The following FOXP1 variants were observed in gnomAD, a reference collection of about 807,000 sequenced individuals.
FOXP1 encodes the protein forkhead box P1, also known as forkhead box protein P1.
In FOXP1, 15 loss-of-function variants were observed where a neutral mutation model predicts 98.2. The ratio of observed to expected loss-of-function variants is 0.15; its 90% CI spans 0.10 to 0.24. FOXP1 has a LOEUF of 0.24. Ranked by LOEUF, FOXP1 falls within the 10% of genes least tolerant of loss-of-function variation. The probability of loss-of-function intolerance (pLI) is 1.00; values close to 1 mark genes in which losing one functional copy is unlikely to be tolerated. For synonymous variants in FOXP1, 371 were observed against 314.5 expected (o/e 1.18, Z -1.90); for missense variants, 633 against 848.5 (o/e 0.75, Z 3.15).
At chr3:70,975,906 A>T (rs114832553) in intron 17 of FOXP1, among the ~76,000 whole-genome samples, 3,403 of 152,334 alleles carry the variant, frequency 0.022, 128 homozygotes, top group African/African-American at 0.073. Flanking sequence ...GAGGTAAGCC[A>T]TATATGACCC....
At chr3:71,582,826 CG>C in intron 1 of FOXP1, 1 of 981,022 alleles carries the variant, frequency 1.0e-6, no homozygotes, top group Middle Eastern at 5.2e-4. Context: ...GAGGGGGTGG[CG>C]GGAGAGCTTC....
At chr3:71,344,506 C>A (rs567871094) in intron 4 of FOXP1, among the ~76,000 whole-genome samples, 3 of 152,218 alleles carry the variant, frequency 2.0e-5, no homozygotes, top group African/African-American at 7.2e-5. Context: ...CATTTTAATA[C>A]CCGGATTTCT....
intron 3 of FOXP1, among the ~76,000 whole-genome samples, chr3:71,483,785 A>G (rs1291009889): frequency 6.6e-6 from 1 of 152,140 alleles, no homozygotes; most frequent in Admixed American, 6.6e-5. Context: ...TGAGCCTCCC[A>G]CCATCACACA....
At chr3:71,410,134 C>G (rs943898923) in intron 3 of FOXP1, among the ~76,000 whole-genome samples, 8 of 152,206 alleles carry the variant, frequency 5.3e-5, no homozygotes, top group African/African-American at 1.4e-4. Context: ...CAGGACTTAA[C>G]CACTCAGAGT....
chr3:71,050,212 T>C lies in FOXP1; in HGVS notation c.510+2325A>G, dbSNP rs79416507. On this transcript the variant is annotated intron_variant, in intron 9 of 20. Transcript: ENST00000649528. ...GCTTTCCTTTCTGACAACAGCAATTTGGGAGAGGTAACTTTTATCCTTCTT... is the reference window on the plus strand; with the variant it reads ...GCTTTCCTTTCTGACAACAGCAATTCGGGAGAGGTAACTTTTATCCTTCTT... Among the ~76,000 whole-genome samples the C allele has an allele frequency of 9.4e-3, 1,438 of 152,316 alleles. 20 individuals are homozygous for C. Among genetic ancestry groups the C allele is most frequent in the African/African-American group, 0.025 (1,054 of 41,560 alleles).
At chr3:71,203,799 A>C (rs2063815162) in intron 5 of FOXP1, among the ~76,000 whole-genome samples, 1 of 152,148 alleles carries the variant, frequency 6.6e-6, no homozygotes, top group Non-Finnish European at 1.5e-5. Flanking sequence ...CACTATTAGG[A>C]AAATTATTAG....
chr3:71,136,820 A>AAC (rs1377109495), intron 6 of FOXP1, among the ~76,000 whole-genome samples: 212 of 3,082 alleles, frequency 0.069, 1 homozygote, highest in African/African-American at 0.071. Flanking sequence ...GAAATACAAC[A>AAC]AAAAAAAAAG....
intron 3 of FOXP1, among the ~76,000 whole-genome samples, chr3:71,478,592 T>C (rs993548489): frequency 2.0e-5 from 3 of 152,270 alleles, no homozygotes; most frequent in African/African-American, 7.2e-5. Context: ...CAGCCTGCAC[T>C]TATTTATTTA....
intron 5 of FOXP1, among the ~76,000 whole-genome samples, chr3:71,204,766 G>T (rs1193141347): frequency 6.6e-6 from 1 of 152,022 alleles, no homozygotes; most frequent in African/African-American, 2.4e-5. Flanking sequence ...AAACAAAAAG[G>T]GTAGATGGGA....
intron 7 of FOXP1, among the ~76,000 whole-genome samples, chr3:71,057,139 G>A (rs1043539003): frequency 6.6e-6 from 1 of 152,126 alleles, no homozygotes; most frequent in African/African-American, 2.4e-5. Flanking sequence ...TTAGCACTGA[G>A]AAATATGGCC....
intron 3 of FOXP1, among the ~76,000 whole-genome samples, chr3:71,392,957 G>A (rs2081137065): frequency 6.6e-6 from 1 of 152,118 alleles, no homozygotes; most frequent in Non-Finnish European, 1.5e-5. Context: ...ATGACTCTTT[G>A]AGATGGCAAG....
chr3:71,364,707 T>C (rs1406978826), intron 3 of FOXP1, among the ~76,000 whole-genome samples: 1 of 152,242 alleles, frequency 6.6e-6, no homozygotes, highest in Non-Finnish European at 1.5e-5. Context: ...GCAGTACAAC[T>C]GGTAGAACAT....
rs958160726 is a variant in FOXP1, at chr3:71,118,790, T to C, written c.181-6153A>G. ...TATATTATGACATGTGAAACTTATA[T>C]GGTATTCAAATTTTGGTATTTACCA... is the stretch of plus-strand genomic sequence containing the variant. On this transcript the variant is annotated intron_variant, in intron 6 of 20. Coordinates refer to ENST00000649528, the MANE Select transcript of FOXP1 (RefSeq NM_001349338.3). 2.0e-5 allele frequency among the ~76,000 whole-genome samples: 3 copies of C among 152,252 alleles called. No individual in the cohort carries two copies. The East Asian group carries it at 5.8e-4, about 29-fold the overall frequency.
chr3:71,212,368 G>A (rs930585825), intron 5 of FOXP1, among the ~76,000 whole-genome samples: 2 of 152,144 alleles, frequency 1.3e-5, no homozygotes, highest in African/African-American at 4.8e-5. Context: ...ATTCCTAACA[G>A]TGCAATTCAC....
intron 11 of FOXP1, among the ~76,000 whole-genome samples, chr3:71,022,329 C>T (rs1218115967): frequency 1.3e-5 from 2 of 152,254 alleles, no homozygotes; most frequent in South Asian, 2.1e-4. Context: ...CAACATACTG[C>T]TCATGTTTTC....
chr3:71,418,226 C>T (rs1048490048), intron 3 of FOXP1, among the ~76,000 whole-genome samples: 14 of 151,932 alleles, frequency 9.2e-5, no homozygotes, highest in Non-Finnish European at 2.1e-4. Flanking sequence ...AATCACACTT[C>T]GGTGTCTCTA....
rs945861785 is a variant in FOXP1 at position 70,955,280 on chromosome 3, G to A, written c.*3967C>T. 1 of 232,816 alleles carries A rather than the reference G, an allele frequency of 4.3e-6. No homozygotes were observed. Among genetic ancestry groups the A allele is most frequent in the Non-Finnish European group, 8.5e-6 (1 of 117,820 alleles). 14.4% of individuals were successfully genotyped at this position (232,816 alleles called of 1,614,324 possible). On this transcript the variant is annotated 3_prime_UTR_variant, in exon 21 of 21. Transcript: ENST00000649528. Reference sequence around the variant, plus strand: ...GCCTATCTTGGGTTAAGAATCCAAGGTTTTCTTTACTAGGTCTGACTGGAT... The same window carrying A: ...GCCTATCTTGGGTTAAGAATCCAAGATTTTCTTTACTAGGTCTGACTGGAT...
intron 4 of FOXP1, among the ~76,000 whole-genome samples, chr3:71,322,123 C>T (rs756687565): frequency 1.3e-5 from 2 of 152,162 alleles, no homozygotes; most frequent in African/African-American, 2.4e-5. Context: ...ACAACTCTTA[C>T]ATCATTCATT....
At chr3:71,446,660 A>G (rs1191425178) in intron 3 of FOXP1, among the ~76,000 whole-genome samples, 4 of 152,274 alleles carry the variant, frequency 2.6e-5, no homozygotes, top group African/African-American at 7.2e-5. Flanking sequence ...CAATTCACTC[A>G]TAAGAATTTA....
Sources: gnomAD v4.1 joint callset for allele counts (sites outside exome capture counted in the v4.1 genomes callset) on GRCh38, gnomAD v4.1.1 for gene constraint, MANE v1.5 for transcripts, NCBI Gene and HGNC (gene_info 2026-07-23, HGNC 2026-07-21) for gene names.